Variants in NRG1 observed in about 807,000 individuals in gnomAD.
NRG1 encodes the protein neuregulin 1, also known as pro-neuregulin-1, membrane-bound isoform.
A neutral mutation model predicts 63.8 loss-of-function variants in NRG1; 18 were observed. That is an observed-to-expected ratio of 0.28 (90% CI 0.19 to 0.42). The LOEUF is 0.42. NRG1 is among the 10% of genes least tolerant of loss of function. The probability of loss-of-function intolerance (pLI) is 1.00; values close to 1 mark genes in which losing one functional copy is unlikely to be tolerated. For missense variants in NRG1, 762 were observed against 814.7 expected, an observed-to-expected ratio of 0.94 and a Z score of 0.79; for synonymous variants, 302 against 301.3, an observed-to-expected ratio of 1.00 and a Z score of -0.02.
chr8:31,780,069 G>A (rs903698520), intron 1 of NRG1, among the ~76,000 whole-genome samples: 1 of 152,164 alleles, frequency 6.6e-6, no homozygotes, highest in Non-Finnish European at 1.5e-5. Flanking sequence ...GGAAAACATA[G>A]CCATGCTAGT....
chr8:31,695,863 A>AT (rs11434013), intron 1 of NRG1, among the ~76,000 whole-genome samples: 146,617 of 152,268 alleles, frequency 0.96, 70,800 homozygotes, highest in East Asian at 1. Flanking sequence ...ATAATCAAAT[A>AT]TGAGAAATAT....
intron 1 of NRG1, among the ~76,000 whole-genome samples, chr8:31,941,693 G>A (rs1411676280): frequency 1.3e-5 from 2 of 152,122 alleles, no homozygotes; most frequent in African/African-American, 2.4e-5. Context: ...ATTCAGCAAA[G>A]TTTCAGGATA....
rs529712910 is a variant in NRG1, at chr8:32,423,237, A to G, written c.38-172591A>G. 3.9e-5 allele frequency among the ~76,000 whole-genome samples: 6 copies of G among 152,344 alleles called. No homozygotes were observed. The East Asian group carries it at 5.8e-4, about 15-fold the overall frequency. ...TTTTAAAGGTTATTGTCTCCAGGAC[A>G]GGTAATTGAGGAGGCCTCACACTTC... is the stretch of plus-strand genomic sequence containing the variant. On this transcript the variant is annotated intron_variant, in intron 1 of 10. Coordinates refer to the NRG1 transcript ENST00000519301.
chr8:32,288,727 G>C (rs1019545829), intron 1 of NRG1, among the ~76,000 whole-genome samples: 1 of 152,068 alleles, frequency 6.6e-6, no homozygotes, highest in Non-Finnish European at 1.5e-5. Flanking sequence ...CTTTTGCATC[G>C]TCAGCGTGAG....
chr8:31,687,020 C>T lies in NRG1; in HGVS notation c.37+47589C>T, dbSNP rs147196015. On this transcript the variant is annotated intron_variant, in intron 1 of 10. Transcript: ENST00000519301. ...CTGACCTCAAAGGATCTGCCAGCCTCGGCCTCCCAAAGTGCTGGGATTACA... is the reference window on the plus strand; with the variant it reads ...CTGACCTCAAAGGATCTGCCAGCCTTGGCCTCCCAAAGTGCTGGGATTACA... Among the ~76,000 whole-genome samples the T allele has an allele frequency of 4.2e-3, 633 of 152,220 alleles. 1 individual carries two copies. Among genetic ancestry groups the T allele is most frequent in the Non-Finnish European group, 7.4e-3 (505 of 67,996 alleles).
At chr8:32,208,002 C>T (rs1208036263) in intron 1 of NRG1, among the ~76,000 whole-genome samples, 1 of 152,114 alleles carries the variant, frequency 6.6e-6, no homozygotes, top group Non-Finnish European at 1.5e-5. Flanking sequence ...GGAAGACAAA[C>T]AAATGGTTTA....
chr8:31,987,698 C>A (rs1331038516), intron 1 of NRG1, among the ~76,000 whole-genome samples: 4 of 151,840 alleles, frequency 2.6e-5, no homozygotes, highest in Admixed American at 2.0e-4. Context: ...CAGCAACATG[C>A]AATTTACCCA....
At chr8:31,882,127 G>A (rs1426437915) in intron 1 of NRG1, among the ~76,000 whole-genome samples, 2 of 151,820 alleles carry the variant, frequency 1.3e-5, no homozygotes, top group African/African-American at 4.8e-5. Context: ...ATCTTGTTAG[G>A]GGCTAATGCA....
At chr8:31,716,208 A>T (rs1220254960) in intron 1 of NRG1, among the ~76,000 whole-genome samples, 1 of 152,200 alleles carries the variant, frequency 6.6e-6, no homozygotes, top group Non-Finnish European at 1.5e-5. Context: ...CAGCTGCTTT[A>T]TGGAACCACC....
At chr8:32,366,711 A>ATATATATATATATC (rs1407313192) in intron 1 of NRG1, among the ~76,000 whole-genome samples, 1 of 81,744 alleles carries the variant, frequency 1.2e-5, no homozygotes, top group Non-Finnish European at 2.7e-5. Context: ...ATATATATAT[A>ATATATATATATATC]TATCTCACTT....
chr8:32,307,585 GGGTTT>G (rs1856336423), intron 1 of NRG1, among the ~76,000 whole-genome samples: 1 of 44,734 alleles, frequency 2.2e-5, no homozygotes, highest in Non-Finnish European at 5.6e-5. Flanking sequence ...GGTCACCCAG[GGGTTT>G]GTGTGTGTGT....
intron 1 of NRG1, among the ~76,000 whole-genome samples, chr8:32,443,705 A>G (rs1819852010): frequency 6.6e-6 from 1 of 152,180 alleles, no homozygotes. Context: ...GGAACTAGCA[A>G]TCTACATATT....
intron 1 of NRG1, among the ~76,000 whole-genome samples, chr8:32,232,486 G>A (rs556291870): frequency 2.6e-5 from 4 of 152,228 alleles, no homozygotes; most frequent in Non-Finnish European, 5.9e-5. Flanking sequence ...AGAGTAGATA[G>A]ACGTGTAGAA....
intron 1 of NRG1, among the ~76,000 whole-genome samples, chr8:31,758,242 A>G (rs1043021252): frequency 6.6e-6 from 1 of 151,968 alleles, no homozygotes; most frequent in Non-Finnish European, 1.5e-5. Context: ...CCGGTGTGTG[A>G]TGTTCCCCGC....
intron 1 of NRG1, among the ~76,000 whole-genome samples, chr8:31,746,016 G>T (rs1815818110): frequency 6.6e-6 from 1 of 151,806 alleles, no homozygotes; most frequent in African/African-American, 2.4e-5. Flanking sequence ...TACTTTGGTT[G>T]AAATTCTGTA....
At position 31,707,970 on chromosome 8, in the gene NRG1, A is replaced by G. The variant is rs1321869273; in HGVS notation, c.37+68539A>G. Among the ~76,000 whole-genome samples the G allele has an allele frequency of 3.9e-5, 6 of 152,096 alleles. No homozygotes were observed. In the South Asian group the frequency reaches 1.2e-3, roughly 32 times the overall value. The stretch of plus-strand genomic sequence containing the variant: ...TCAGCTTTAAATTTTATCAGTGATC[A>G]TCTTTTTCTTGTTTCTGACTTCTGG... On this transcript the variant is annotated intron_variant, in intron 1 of 10. Coordinates refer to the NRG1 transcript ENST00000519301.
chr8:31,658,153 T>A (rs1805614681), intron 1 of NRG1, among the ~76,000 whole-genome samples: 1 of 152,200 alleles, frequency 6.6e-6, no homozygotes, highest in African/African-American at 2.4e-5. Flanking sequence ...ATCTCTACCC[T>A]ACGCTGACAA....
intron 1 of NRG1, among the ~76,000 whole-genome samples, chr8:31,947,924 TAC>T (rs1585990016): frequency 9.1e-6 from 1 of 110,310 alleles, no homozygotes; most frequent in East Asian, 2.9e-4. Flanking sequence ...CAGCTTGGGC[TAC>T]AGAGTGAGAC....
intron 1 of NRG1, among the ~76,000 whole-genome samples, chr8:32,438,132 T>C (rs1351208036): frequency 6.6e-6 from 1 of 152,162 alleles, no homozygotes; most frequent in Admixed American, 6.6e-5. Context: ...ATACAGAACA[T>C]TTTCATCCAG....
Sources: allele counts gnomAD v4.1 joint callset (sites outside exome capture counted in the v4.1 genomes callset), GRCh38; gene constraint gnomAD v4.1.1; transcripts MANE v1.5; gene names NCBI Gene and HGNC (gene_info 2026-07-23, HGNC 2026-07-21).